The following URI1 variants were observed in gnomAD, a reference collection of about 807,000 sequenced individuals.
The protein encoded by URI1 is URI1 prefoldin like chaperone.
A neutral mutation model predicts 60.2 loss-of-function variants in URI1; 39 were observed. The ratio of observed to expected loss-of-function variants is 0.65; its 90% CI spans 0.50 to 0.85. URI1 has a LOEUF of 0.85. URI1 is among the 40% of genes least tolerant of loss of function. The pLI, the probability that URI1 is intolerant of heterozygous loss-of-function variation, is 0.00. For synonymous variants in URI1, 251 were observed against 236.8 expected (o/e 1.06, Z -0.55); for missense variants, 691 against 665.9 (o/e 1.04, Z -0.42).
At chr19:29,944,744 G>T (rs1445135312) in intron 1 of URI1, among the ~76,000 whole-genome samples, 4 of 152,170 alleles carry the variant, frequency 2.6e-5, no homozygotes, top group African/African-American at 9.7e-5. Context: ...ATTATCCCCA[G>T]TTCAGGAAAA....
intron 2 of URI1, among the ~76,000 whole-genome samples, chr19:29,981,209 C>A (rs1295635860): frequency 1.3e-5 from 2 of 151,954 alleles, no homozygotes; most frequent in African/African-American, 4.8e-5. Flanking sequence ...TGACAAATTT[C>A]AAACATATGG....
At chr19:29,959,923 A>G (rs550318926) in intron 1 of URI1, among the ~76,000 whole-genome samples, 1 of 152,120 alleles carries the variant, frequency 6.6e-6, no homozygotes, top group Non-Finnish European at 1.5e-5. Flanking sequence ...GGTTGAGGTT[A>G]CTAATATTAA....
At chr19:30,002,291 A>G (rs909281686) in intron 4 of URI1, among the ~76,000 whole-genome samples, 1 of 152,162 alleles carries the variant, frequency 6.6e-6, no homozygotes, top group African/African-American at 2.4e-5. Flanking sequence ...ATTTGGTCTT[A>G]CTTAGTGAGT....
chr19:29,957,936 T>C (rs1275857404), intron 1 of URI1: 3 of 151,728 alleles, frequency 2.0e-5, no homozygotes, highest in Admixed American at 2.0e-4. Context: ...TTTTTACATA[T>C]TGACTTTGTT....
intron 2 of URI1, 100 bp downstream of exon 2, chr19:29,971,327 G>T (rs530059720): frequency 2.5e-6 from 3 of 1,180,726 alleles, no homozygotes; most frequent in Admixed American, 1.9e-5. Flanking sequence ...GTGTATGTAT[G>T]ACTAGTAATT....
At position 29,986,428 on chromosome 19, in the gene URI1, A is replaced by T; in HGVS notation, c.367+11A>T. The T allele has an allele frequency of 6.2e-7, 1 of 1,600,992 alleles. No individual in the cohort carries two copies. Among genetic ancestry groups the T allele is most frequent in the Non-Finnish European group, 8.5e-7 (1 of 1,177,210 alleles). ...AGCACCGGAAAGAACGTAGGTACCC[A>T]TTTTAAATGATGTTTCTTTGTTGTA... On this transcript the variant is annotated intron_variant, in intron 4 of 10. Coordinates refer to ENST00000392271, the MANE Select transcript of URI1 (RefSeq NM_003796.3).
intron 4 of URI1, among the ~76,000 whole-genome samples, chr19:29,988,574 C>T (rs1162632917): frequency 6.6e-6 from 1 of 152,230 alleles, no homozygotes; most frequent in African/African-American, 2.4e-5. Flanking sequence ...CTTGCTGTAA[C>T]GCCTCATCCA....
rs2055039241 is a variant in URI1 at position 29,942,429 on chromosome 19, G to A, written c.-119G>A. Reference sequence around the variant, plus strand: ...CGGCGGCGGCGGGCGCGGCCTCCTGGGCGCGGGGCGCGCGGTGCCTGAGGG... The same window carrying A: ...CGGCGGCGGCGGGCGCGGCCTCCTGAGCGCGGGGCGCGCGGTGCCTGAGGG... On this transcript the variant is annotated 5_prime_UTR_variant, in exon 1 of 11. It introduces an in-frame stop codon into an upstream open reading frame of the 5' UTR. Coordinates refer to ENST00000392271, the MANE Select transcript of URI1 (RefSeq NM_003796.3). 4 of 984,442 alleles carry A rather than the reference G, an allele frequency of 4.1e-6. No homozygotes were observed. The highest frequency in any genetic ancestry group is 4.8e-6 in the Non-Finnish European group (4 of 830,164). 61.0% of individuals were successfully genotyped at this position (984,442 alleles called of 1,614,324 possible).
chr19:29,967,137 A>T (rs777664287), intron 1 of URI1, among the ~76,000 whole-genome samples: 4 of 152,208 alleles, frequency 2.6e-5, no homozygotes, highest in Non-Finnish European at 4.4e-5. Flanking sequence ...TTATAAAATA[A>T]TTTTTAAAAA....
intron 3 of URI1, among the ~76,000 whole-genome samples, 171 bp from the exon 4 acceptor site, chr19:29,986,111 C>T (rs2145373521): frequency 6.6e-6 from 1 of 152,088 alleles, no homozygotes; most frequent in Non-Finnish European, 1.5e-5. Context: ...TTAGATTTTC[C>T]TAGTAAAATT....
chr19:29,996,479 T>TGTGTG (rs2055814024), intron 4 of URI1, among the ~76,000 whole-genome samples: 1 of 150,428 alleles, frequency 6.6e-6, no homozygotes, highest in African/African-American at 2.4e-5. Context: ...CAAGGGTGTT[T>TGTGTG]TGTGTGTGTG....
intron 7 of URI1, among the ~76,000 whole-genome samples, chr19:30,008,016 A>G (rs2055967059): frequency 6.6e-6 from 1 of 152,158 alleles, no homozygotes. Flanking sequence ...ATAGTGCTCT[A>G]TCTTTGAATG....
chr19:29,970,128 ATT>A (rs199739403), intron 1 of URI1, among the ~76,000 whole-genome samples: 496 of 74,450 alleles, frequency 6.7e-3, no homozygotes, highest in African/African-American at 0.023. Context: ...AATCGTGTGT[ATT>A]TTTTTTTTTT....
rs1314283484 is a variant in URI1 at position 30,009,350 on chromosome 19, G to A, written c.1032G>A (p.Lys344=). 3.1e-6 allele frequency: 5 copies of A among 1,611,392 alleles called. No individual in the cohort carries two copies. The highest frequency in any genetic ancestry group is 4.2e-6 in the Non-Finnish European group (5 of 1,177,952). ...TIYFSHTVEP[K]RVRINTGKNT... ...ATTTTTCACATACTGTTGAGCCTAA[G>A]AGGGTTTGTATACTTTTAACTTTAC... The change falls in exon 8 of 11, where the codon AAG becomes AAA. Residue 344 remains lysine, a synonymous_variant. Transcript: ENST00000392271.
In URI1 at chr19:30,007,522, T is replaced by G; in HGVS notation, c.570T>G (p.Ile190Met). ...KPHSKPKTSD[I>M]FEADIANDVK... ...ATTCCAAACCAAAAACTTCAGATAT[T>G]TTTGAAGCAGATATTGCAAATGATG... The change falls in exon 7 of 11, where the codon ATT (isoleucine) becomes ATG (methionine). Residue 190 changes from isoleucine to methionine, a missense_variant. Physicochemically the swap from Ile to Met is conservative, Grantham distance 10. Transcript: ENST00000392271. The G allele has an allele frequency of 6.2e-7, 1 of 1,613,528 alleles. No individual in the cohort carries two copies. Among genetic ancestry groups the G allele is most frequent in the Non-Finnish European group, 8.5e-7 (1 of 1,179,610 alleles).
intron 4 of URI1, among the ~76,000 whole-genome samples, chr19:29,987,753 A>G (rs1393512342): frequency 1.3e-5 from 2 of 152,248 alleles, no homozygotes; most frequent in Non-Finnish European, 2.9e-5. Context: ...AGAGTAGAGA[A>G]ACATGTTTTT....
At chr19:29,955,407 G>T (rs2055232847) in intron 1 of URI1, among the ~76,000 whole-genome samples, 1 of 152,056 alleles carries the variant, frequency 6.6e-6, no homozygotes, top group African/African-American at 2.4e-5. Flanking sequence ...TGCATATGTT[G>T]TTTCTCATTT....
At chr19:29,977,811 CAA>C (rs971242404) in intron 2 of URI1, among the ~76,000 whole-genome samples, 1 of 145,152 alleles carries the variant, frequency 6.9e-6, no homozygotes, top group Admixed American at 6.8e-5. Flanking sequence ...AATTAAGAGG[CAA>C]AAAAAAAGAT....
At chr19:30,003,672 A>G (rs1009371605) in intron 4 of URI1, among the ~76,000 whole-genome samples, 1 of 152,112 alleles carries the variant, frequency 6.6e-6, no homozygotes, top group South Asian at 2.1e-4. Flanking sequence ...AGTAACTCCT[A>G]TAACATCAGT....
Sources: gnomAD v4.1 joint callset for allele counts (sites outside exome capture counted in the v4.1 genomes callset) on GRCh38, gnomAD v4.1.1 for gene constraint, MANE v1.5 for transcripts, NCBI Gene and HGNC (gene_info 2026-07-23, HGNC 2026-07-21) for gene names.